ATRNL1: variants seen among roughly 807,000 people sequenced by gnomAD.
ATRNL1 encodes the protein attractin like 1.
ATRNL1 carries 95 observed loss-of-function variants against 182.7 expected under a neutral mutation model. The observed-to-expected ratio is 0.52, with a 90% CI of 0.44 to 0.62. ATRNL1 has a LOEUF of 0.62. Among genes scored for constraint, ATRNL1 ranks in the 20% least tolerant of loss-of-function variants. ATRNL1 has a pLI of 0.00. For synonymous variants in ATRNL1, 576 were observed against 568.3 expected (o/e 1.01, Z -0.19); for missense variants, 1,471 against 1,679.5 (o/e 0.88, Z 2.17).
chr10:115,446,502 G>T (rs1846998500), intron 21 of ATRNL1, among the ~76,000 whole-genome samples: 1 of 135,848 alleles, frequency 7.4e-6, no homozygotes, highest in African/African-American at 3.1e-5. Flanking sequence ...GTTCCCCATG[G>T]GTATTTTAAA....
intron 19 of ATRNL1, among the ~76,000 whole-genome samples, chr10:115,386,277 G>T (rs1554952612): frequency 1.3e-5 from 2 of 152,126 alleles, no homozygotes; most frequent in East Asian, 1.9e-4. Flanking sequence ...TGTTAAATTT[G>T]TCTCTAAATA....
At chr10:115,431,415 AAAAAG>A (rs1350379477) in intron 21 of ATRNL1, among the ~76,000 whole-genome samples, 8 of 151,766 alleles carry the variant, frequency 5.3e-5, no homozygotes, top group Admixed American at 2.0e-4. Flanking sequence ...AAAAAAAAAA[AAAAAG>A]AAAAGAAAAG....
intron 28 of ATRNL1, among the ~76,000 whole-genome samples, chr10:115,903,867 C>T (rs1952426489): frequency 6.6e-6 from 1 of 152,132 alleles, no homozygotes; most frequent in Non-Finnish European, 1.5e-5. Flanking sequence ...TTTAACTTTG[C>T]ATTTTAAAAA....
At chr10:115,832,285 C>T (rs1950577589) in intron 27 of ATRNL1, among the ~76,000 whole-genome samples, 1 of 152,206 alleles carries the variant, frequency 6.6e-6, no homozygotes. Context: ...TGACTCCTGC[C>T]TTGTGGGCCT....
intron 26 of ATRNL1, among the ~76,000 whole-genome samples, chr10:115,631,129 A>G (rs1592977121): frequency 2.0e-5 from 3 of 152,010 alleles, no homozygotes; most frequent in African/African-American, 7.2e-5. Context: ...TACTAGAATG[A>G]CTATATTCTA....
At chr10:115,331,209 G>A (rs917838058) in intron 18 of ATRNL1, among the ~76,000 whole-genome samples, 1 of 151,960 alleles carries the variant, frequency 6.6e-6, no homozygotes, top group Non-Finnish European at 1.5e-5. Context: ...ACAGGCGCCC[G>A]CCACCAAGCC....
intron 17 of ATRNL1, among the ~76,000 whole-genome samples, chr10:115,314,627 G>T (rs192616164): frequency 3.0e-4 from 45 of 152,266 alleles, no homozygotes; most frequent in African/African-American, 1.1e-3. Context: ...AAGTAACTAT[G>T]TAAATAGGAA....
intron 13 of ATRNL1, among the ~76,000 whole-genome samples, chr10:115,277,688 A>G (rs1429944089): frequency 6.6e-6 from 1 of 152,062 alleles, no homozygotes; most frequent in Non-Finnish European, 1.5e-5. Flanking sequence ...AAATTTTAAT[A>G]TCTATTTTTC....
intron 26 of ATRNL1, among the ~76,000 whole-genome samples, chr10:115,601,150 T>G (rs916247354): frequency 6.6e-6 from 1 of 152,124 alleles, no homozygotes; most frequent in Admixed American, 6.5e-5. Context: ...TTAAAAGTAT[T>G]TTGTATAATT....
intron 5 of ATRNL1, among the ~76,000 whole-genome samples, chr10:115,135,302 A>C (rs1189871201): frequency 1.3e-5 from 2 of 152,202 alleles, no homozygotes; most frequent in Non-Finnish European, 2.9e-5. Flanking sequence ...ATCTCAGCCC[A>C]AAATCTCCTT....
chr10:115,096,846 C>A, intron 1 of ATRNL1: 1 of 1,110,666 alleles, frequency 9.0e-7, no homozygotes, highest in South Asian at 2.1e-5. Context: ...ACAGGTAAAA[C>A]AAAAGGAACA....
At chr10:115,460,901 G>A (rs58636079) in intron 21 of ATRNL1, among the ~76,000 whole-genome samples, 6,386 of 151,882 alleles carry the variant, frequency 0.042, 402 homozygotes, top group African/African-American at 0.14. Flanking sequence ...GCAATTTTTT[G>A]GCAGTCAGAT....
intron 26 of ATRNL1, among the ~76,000 whole-genome samples, chr10:115,678,464 G>A (rs566088862): frequency 7.2e-5 from 11 of 152,094 alleles, no homozygotes; most frequent in African/African-American, 1.4e-4. Context: ...ATTAAACTCC[G>A]AAGAAAAGTA....
chr10:115,525,061 A>G (rs1565130245), intron 25 of ATRNL1, among the ~76,000 whole-genome samples: 1 of 152,054 alleles, frequency 6.6e-6, no homozygotes, highest in Non-Finnish European at 1.5e-5. Context: ...CCTTCTATGG[A>G]CTCAGTCACC....
intron 27 of ATRNL1, among the ~76,000 whole-genome samples, chr10:115,747,736 A>C (rs1371274965): frequency 6.6e-6 from 1 of 152,034 alleles, no homozygotes; most frequent in African/African-American, 2.4e-5. Context: ...CAAAAATACC[A>C]TAAACTTCTG....
At chr10:115,224,784 A>G (rs753226121) in intron 9 of ATRNL1, among the ~76,000 whole-genome samples, 2 of 152,204 alleles carry the variant, frequency 1.3e-5, no homozygotes, top group Non-Finnish European at 2.9e-5. Context: ...TGACACATAC[A>G]TGAACATTGA....
intron 9 of ATRNL1, among the ~76,000 whole-genome samples, chr10:115,222,973 A>G (rs1032567252): frequency 6.6e-6 from 1 of 152,128 alleles, no homozygotes; most frequent in Non-Finnish European, 1.5e-5. Flanking sequence ...AAAGGGGTAA[A>G]TTAGTGTTAA....
At chr10:115,701,993 A>T (rs1946751201) in intron 26 of ATRNL1, among the ~76,000 whole-genome samples, 1 of 151,484 alleles carries the variant, frequency 6.6e-6, no homozygotes, top group Non-Finnish European at 1.5e-5. Context: ...AGACACAACA[A>T]AAAAAGAAAG....
chr10:115,768,709 T>C (rs1185050195), intron 27 of ATRNL1, among the ~76,000 whole-genome samples: 1 of 152,172 alleles, frequency 6.6e-6, no homozygotes, highest in Non-Finnish European at 1.5e-5. Flanking sequence ...TAAAAGAGGA[T>C]ATTTATTTTT....
Sources: gnomAD v4.1 joint callset for allele counts (sites outside exome capture counted in the v4.1 genomes callset) on GRCh38, gnomAD v4.1.1 for gene constraint, MANE v1.5 for transcripts, NCBI Gene and HGNC (gene_info 2026-07-23, HGNC 2026-07-21) for gene names.